SV2B: variants seen among roughly 807,000 people sequenced by gnomAD.
SV2B encodes synaptic vesicle glycoprotein 2B, also known as solute carrier family 22 member B2.
Under a neutral mutation model 73.9 loss-of-function variants are expected in SV2B, and 41 were observed. The observed-to-expected ratio is 0.56, with a 90% CI of 0.43 to 0.72. The LOEUF is 0.72. SV2B is among the 30% of genes least tolerant of loss of function. SV2B has a pLI of 0.00. For synonymous variants in SV2B, 314 were observed against 314.2 expected (o/e 1.00, Z 0.01); for missense variants, 764 against 857.8 (o/e 0.89, Z 1.37).
intron 1 of SV2B, among the ~76,000 whole-genome samples, chr15:91,186,642 A>G (rs536204481): frequency 1.4e-4 from 21 of 152,348 alleles, no homozygotes; most frequent in Middle Eastern, 3.4e-3. Flanking sequence ...AAATACACTT[A>G]TAAATGGAAG....
At chr15:91,270,365 C>G (rs1471466520) in intron 9 of SV2B, among the ~76,000 whole-genome samples, 1 of 152,184 alleles carries the variant, frequency 6.6e-6, no homozygotes, top group Non-Finnish European at 1.5e-5. Context: ...CTCCAGGGAA[C>G]AAGAAATATG....
intron 11 of SV2B, among the ~76,000 whole-genome samples, chr15:91,286,706 G>A (rs901501633): frequency 3.9e-5 from 6 of 152,154 alleles, no homozygotes; most frequent in African/African-American, 1.2e-4. Flanking sequence ...TGAGGTAGGC[G>A]CCATTTTAAT....
At chr15:91,264,926 G>C (rs533393080) in intron 6 of SV2B, among the ~76,000 whole-genome samples, 2 of 152,160 alleles carry the variant, frequency 1.3e-5, no homozygotes, top group South Asian at 4.2e-4. Context: ...CAGGAAGAAG[G>C]ACTTAAAAAG....
At chr15:91,114,900 G>A (rs549681108) in intron 1 of SV2B, among the ~76,000 whole-genome samples, 228 of 152,240 alleles carry the variant, frequency 1.5e-3, no homozygotes, top group Middle Eastern at 6.8e-3. Flanking sequence ...TTGGAAACAC[G>A]TCCCAGGGTC....
At chr15:91,101,867 T>TA (rs2041736770) in intron 1 of SV2B, 2 of 152,176 alleles carry the variant, frequency 1.3e-5, no homozygotes, top group South Asian at 4.1e-4. Flanking sequence ...AGTCAGACTT[T>TA]AATTTTTTCC....
chr15:91,245,476 G>A lies in SV2B; in HGVS notation c.452-6343G>A, dbSNP rs919811893. Among the ~76,000 whole-genome samples, 10 of 152,174 alleles carry A rather than the reference G, an allele frequency of 6.6e-5. No individual in the cohort carries two copies. The highest frequency in any genetic ancestry group is 5.2e-4 in the Admixed American group (8 of 15,276). On this transcript the variant is annotated intron_variant, in intron 2 of 12. Transcript: ENST00000394232. The surrounding 1 kb of genome is among the most constrained non-coding windows in gnomAD (Gnocchi z 4.2). ...CTGCTGACAACAGCTGTCTCTGAGT[G>A]GTGGTATGATGAATAGATTATTGCT... is the stretch of plus-strand genomic sequence containing the variant.
chr15:91,180,625 C>A (rs538334866), intron 1 of SV2B, among the ~76,000 whole-genome samples: 6 of 152,282 alleles, frequency 3.9e-5, no homozygotes, highest in Admixed American at 2.0e-4. Context: ...CTTCCCTTCT[C>A]GCTTCATTTC....
rs1353104813 is a variant in SV2B, at chr15:91,242,208, T to C, written c.452-9611T>C. Among the ~76,000 whole-genome samples, 1 of 152,222 alleles carries C rather than the reference T, an allele frequency of 6.6e-6. No homozygotes were observed. Among genetic ancestry groups the C allele is most frequent in the Non-Finnish European group, 1.5e-5 (1 of 68,038 alleles). ...GCCCATTGGCTGCTCCTTCTTGTTC[T>C]CCATCACTGGTCTCTCTTCATATTC... On this transcript the variant is annotated intron_variant, in intron 2 of 12. Coordinates refer to ENST00000394232, the MANE Select transcript of SV2B (RefSeq NM_001323032.3). The surrounding 1 kb of genome is among the most constrained non-coding windows in gnomAD (Gnocchi z 4.9).
At chr15:91,282,686 C>T (rs184825343) in intron 10 of SV2B, among the ~76,000 whole-genome samples, 12 of 152,312 alleles carry the variant, frequency 7.9e-5, no homozygotes, top group Admixed American at 4.6e-4. Context: ...GCAATCTTTC[C>T]ACAGAACTAC....
At chr15:91,148,336 CT>C (rs1273498831) in intron 1 of SV2B, among the ~76,000 whole-genome samples, 1 of 152,046 alleles carries the variant, frequency 6.6e-6, no homozygotes, top group Admixed American at 6.6e-5. Flanking sequence ...CTCTCTGAGA[CT>C]TTTAAAAATG....
In SV2B at chr15:91,284,129, AC is replaced by A; in HGVS notation, c.1618del (p.Leu540SerfsTer29). The A allele has an allele frequency of 6.2e-7, 1 of 1,614,070 alleles. No homozygotes were observed. Among genetic ancestry groups the A allele is most frequent in the Non-Finnish European group, 8.5e-7 (1 of 1,180,024 alleles). ...GAGCAAGATAATGACTTCCTGATTT[AC>A]CTCGTCAGCTTCCTGGGCAGCCTGT... is the stretch of plus-strand genomic sequence containing the variant. Reference protein sequence around the residue: ...DLEQDNDFLIYLVSFLGSLSV... With the variant: ...DLEQDNDFLIXLVSFLGSLSV... On this transcript the variant is annotated frameshift_variant, in exon 11 of 13. Coordinates refer to ENST00000394232, the MANE Select transcript of SV2B (RefSeq NM_001323032.3). LOFTEE classifies it high-confidence loss of function. The surrounding 1 kb of genome is among the most constrained non-coding windows in gnomAD (Gnocchi z 4.5).
At chr15:91,187,425 G>A (rs1014566259) in intron 1 of SV2B, among the ~76,000 whole-genome samples, 1 of 152,222 alleles carries the variant, frequency 6.6e-6, no homozygotes, top group Non-Finnish European at 1.5e-5. Context: ...TTACCAGCAT[G>A]TGAAAGTAGC....
rs924268365 is a variant in SV2B at position 91,290,033 on chromosome 15, A to G, written c.1868+353A>G. On this transcript the variant is annotated intron_variant, in intron 12 of 12. Transcript: ENST00000394232. The surrounding 1 kb of genome is among the most constrained non-coding windows in gnomAD (Gnocchi z 4.7). ...TAAGGCAAAAAAGTGAAGAGCTGGA[A>G]TAGCACAGGGTGGGGGCAAGGAGAG... is the stretch of plus-strand genomic sequence containing the variant. Among the ~76,000 whole-genome samples the G allele has an allele frequency of 1.3e-5, 2 of 152,208 alleles. No individual in the cohort carries two copies. Among genetic ancestry groups the G allele is most frequent in the African/African-American group, 4.8e-5 (2 of 41,456 alleles).
At chr15:91,238,802 C>T (rs543838992) in intron 2 of SV2B, among the ~76,000 whole-genome samples, 1 of 152,220 alleles carries the variant, frequency 6.6e-6, no homozygotes, top group African/African-American at 2.4e-5. Flanking sequence ...GTCAGGGGCC[C>T]AAGAGATGAT....
chr15:91,260,005 A>T (rs1311860712), intron 5 of SV2B, among the ~76,000 whole-genome samples: 1 of 152,144 alleles, frequency 6.6e-6, no homozygotes, highest in Admixed American at 6.5e-5. Flanking sequence ...ATCAGTGACG[A>T]ACGTGCTTCC....
At position 91,300,039 on chromosome 15, in the gene SV2B, C is replaced by T. The variant is rs900257392; in HGVS notation, c.*7487C>T. On this transcript the variant is annotated 3_prime_UTR_variant, in exon 13 of 13. Coordinates refer to ENST00000394232, the MANE Select transcript of SV2B (RefSeq NM_001323032.3). ...ACCATCCATAGTGTGTGCATATATA[C>T]ACACAAGGTTTGGTTTAATATACTT... 2 of 152,242 alleles carry T rather than the reference C, an allele frequency of 1.3e-5. No individual in the cohort carries two copies. Among genetic ancestry groups the T allele is most frequent in the South Asian group, 2.1e-4 (1 of 4,836 alleles). 9.4% of individuals were successfully genotyped at this position (152,242 alleles called of 1,614,324 possible).
rs568522261 is a variant in SV2B at position 91,123,707 on chromosome 15, T to G, written c.-392+23344T>G. Among the ~76,000 whole-genome samples the G allele has an allele frequency of 3.2e-4, 48 of 152,154 alleles. 1 individual carries two copies. The South Asian group carries it at 9.4e-3, about 30-fold the overall frequency. ...AGAGTAGACGTGAGGAGCGGTAGAG[T>G]TGTGATGCAGGTCTTCGGACTCCTC... On this transcript the variant is annotated intron_variant, in intron 1 of 12. Transcript: ENST00000394232. This position sits in a 1 kb window ranked among gnomAD's most constrained non-coding sequence, Gnocchi z 4.7.
rs894697465 is a variant in SV2B at position 91,284,405 on chromosome 15, G to A, written c.1708+184G>A. ...CTACAGAAGACTCCAGGGCTCCTGG[G>A]AAATAGTCAAGAATCTTTGGTCTAG... On this transcript the variant is annotated intron_variant, in intron 11 of 12. Coordinates refer to ENST00000394232, the MANE Select transcript of SV2B (RefSeq NM_001323032.3). The surrounding 1 kb of genome is among the most constrained non-coding windows in gnomAD (Gnocchi z 4.5). 2.0e-5 allele frequency among the ~76,000 whole-genome samples: 3 copies of A among 152,276 alleles called. No homozygotes were observed. The highest frequency in any genetic ancestry group is 2.1e-4 in the South Asian group (1 of 4,814).
chr15:91,170,099 T>A (rs1358312961), intron 1 of SV2B, among the ~76,000 whole-genome samples: 2 of 152,170 alleles, frequency 1.3e-5, no homozygotes, highest in East Asian at 3.8e-4. Flanking sequence ...TTTCTGTTAT[T>A]TAATTTGTCT....
Sources: allele counts gnomAD v4.1 joint callset (sites outside exome capture counted in the v4.1 genomes callset), GRCh38; gene constraint gnomAD v4.1.1; non-coding constraint Gnocchi (gnomAD v3.1); transcripts MANE v1.5; gene names NCBI Gene and HGNC (gene_info 2026-07-23, HGNC 2026-07-21).